Variants in CLIC4 observed in about 807,000 individuals in gnomAD.
The protein encoded by CLIC4 is CLIC family member 4, also known as chloride intracellular channel protein 4.
Under a neutral mutation model 24.6 loss-of-function variants are expected in CLIC4, and 13 were observed. The observed-to-expected ratio is 0.53, with a 90% CI of 0.34 to 0.84. The LOEUF (loss-of-function observed/expected upper bound fraction) is 0.84, where lower values mean the gene tolerates loss of function less well. Ranked by LOEUF, CLIC4 falls within the 40% of genes least tolerant of loss-of-function variation. The pLI is 0.01. For missense variants in CLIC4, 227 were observed against 301.7 expected (o/e 0.75, Z 1.83); for synonymous variants, 104 against 111.3 (o/e 0.93, Z 0.41).
intron 1 of CLIC4, among the ~76,000 whole-genome samples, chr1:24,769,226 C>G (rs752101050): frequency 6.6e-6 from 1 of 152,176 alleles, no homozygotes; most frequent in East Asian, 1.9e-4. Flanking sequence ...TCTGAAGCTA[C>G]TTAATTTATC....
intron 3 of CLIC4, among the ~76,000 whole-genome samples, chr1:24,817,302 A>G (rs555862217): frequency 1.3e-5 from 2 of 152,354 alleles, no homozygotes; most frequent in East Asian, 1.9e-4. Flanking sequence ...GATCTTCTAG[A>G]TAGATCAGCT....
In CLIC4 at chr1:24,746,912, C is replaced by T. The variant is rs1466676325; in HGVS notation, c.72+1287C>T. 3.3e-5 allele frequency among the ~76,000 whole-genome samples: 5 copies of T among 152,084 alleles called. No homozygotes were observed. The East Asian group carries it at 9.6e-4, about 29-fold the overall frequency. ...GCTGCGGTGGGAGAACTGCTTGAGCCCGGGAGGTCGAGGCTGCAGTGAGCC... is the reference window on the plus strand; with the variant it reads ...GCTGCGGTGGGAGAACTGCTTGAGCTCGGGAGGTCGAGGCTGCAGTGAGCC... On this transcript the variant is annotated intron_variant, in intron 1 of 5. Transcript: ENST00000374379.
intron 1 of CLIC4, among the ~76,000 whole-genome samples, chr1:24,775,224 C>CTTTTTTTTTTTT: frequency 0.016 from 1,431 of 90,468 alleles, no homozygotes; most frequent in Middle Eastern, 0.027. Flanking sequence ...TTCTTTCTTT[C>CTTTTTTTTTTTT]TTTTTTTTTT....
At chr1:24,817,212 A>AT in intron 3 of CLIC4, among the ~76,000 whole-genome samples, 1 of 152,266 alleles carries the variant, frequency 6.6e-6, no homozygotes, top group Non-Finnish European at 1.5e-5. Context: ...GGTAGATCAG[A>AT]TTTTCTAGAT....
chr1:24,835,143 A>T (rs1026078969), intron 4 of CLIC4, among the ~76,000 whole-genome samples: 1 of 152,232 alleles, frequency 6.6e-6, no homozygotes, highest in Non-Finnish European at 1.5e-5. Flanking sequence ...CTAAGAAATA[A>T]GCTAACTTGA....
rs185936039 is a variant in CLIC4, at chr1:24,752,337, C to T, written c.72+6712C>T. ...GTTCAAATATGATGGAAGTTTATTT[C>T]TCACCCCTCAGTCCAGGAGAATGTC... On this transcript the variant is annotated intron_variant, in intron 1 of 5. Transcript: ENST00000374379. Among the ~76,000 whole-genome samples, 4 of 152,238 alleles carry T rather than the reference C, an allele frequency of 2.6e-5. No homozygotes were observed. The East Asian group carries it at 7.7e-4, about 29-fold the overall frequency.
At chr1:24,780,110 T>G (rs1639185408) in intron 1 of CLIC4, among the ~76,000 whole-genome samples, 1 of 152,206 alleles carries the variant, frequency 6.6e-6, no homozygotes, top group Admixed American at 6.5e-5. Context: ...TATTGAGCAC[T>G]TAACCACATG....
chr1:24,766,474 T>G (rs12734115), intron 1 of CLIC4, among the ~76,000 whole-genome samples: 21 of 3,442 alleles, frequency 6.1e-3, no homozygotes, highest in Non-Finnish European at 0.021. Flanking sequence ...GCCCAGACGG[T>G]TTTTTTTTTT....
intron 3 of CLIC4, among the ~76,000 whole-genome samples, chr1:24,821,870 G>A (rs971937365): frequency 6.6e-6 from 1 of 152,166 alleles, no homozygotes; most frequent in Non-Finnish European, 1.5e-5. Flanking sequence ...ACAGGCGTGA[G>A]CCACCGTGCC....
intron 2 of CLIC4, among the ~76,000 whole-genome samples, chr1:24,813,841 C>T (rs1039516693): frequency 6.6e-6 from 1 of 152,102 alleles, no homozygotes; most frequent in African/African-American, 2.4e-5. Context: ...ACCTCAGCCT[C>T]CCTGGTAGCT....
chr1:24,762,564 G>A (rs1638941002), intron 1 of CLIC4, among the ~76,000 whole-genome samples: 1 of 152,156 alleles, frequency 6.6e-6, no homozygotes, highest in South Asian at 2.1e-4. Flanking sequence ...AGGAACTGTG[G>A]GGGAACAGTA....
At chr1:24,760,298 G>A (rs554446516) in intron 1 of CLIC4, among the ~76,000 whole-genome samples, 2 of 152,020 alleles carry the variant, frequency 1.3e-5, no homozygotes, top group African/African-American at 2.4e-5. Context: ...CCTGGGAGGC[G>A]GAGGTTGCAG....
chr1:24,842,668 A>C lies in CLIC4; in HGVS notation c.*1731A>C, dbSNP rs1639955361. ...TGCCTTACCTTTCTTAGAACTCTTT[A>C]TTGCTTATCAAAAGTTTGAGTACCC... is the stretch of plus-strand genomic sequence containing the variant. On this transcript the variant is annotated 3_prime_UTR_variant, in exon 6 of 6. Transcript: ENST00000374379. 6.6e-6 allele frequency: 1 copy of C among 152,106 alleles called. No individual in the cohort carries two copies. The highest frequency in any genetic ancestry group is 6.5e-5 in the Admixed American group (1 of 15,274). The allele number at this position is 152,106 out of a possible 1,614,324, so 9.4% of individuals were successfully genotyped here.
intron 1 of CLIC4, among the ~76,000 whole-genome samples, chr1:24,769,147 CAAAA>C (rs961007028): frequency 6.6e-6 from 1 of 150,776 alleles, no homozygotes; most frequent in African/African-American, 2.4e-5. Flanking sequence ...AGAAAACAAA[CAAAA>C]AAACATAATG....
Position 24,814,040 on chromosome 1 carries a change from T to C in CLIC4, c.183-54T>C, listed in dbSNP as rs375901730. The C allele has an allele frequency of 8.6e-5, 138 of 1,608,758 alleles. 1 individual carries two copies. The East Asian group carries it at 1.2e-3, about 14-fold the overall frequency. On this transcript the variant is annotated intron_variant, in intron 2 of 5. Transcript: ENST00000374379. ...CCAACTTTGAGAATTTAAAGTATTA[T>C]TGTTGTTTAAGAGTAAAAAATGATC...
At chr1:24,811,891 T>C (rs1285351277) in intron 2 of CLIC4, among the ~76,000 whole-genome samples, 1 of 152,200 alleles carries the variant, frequency 6.6e-6, no homozygotes, top group East Asian at 1.9e-4. Context: ...CTAAAATTCA[T>C]TGGTGGGTTT....
At chr1:24,816,256 T>TG (rs1553193776) in intron 3 of CLIC4, among the ~76,000 whole-genome samples, 18 of 149,026 alleles carry the variant, frequency 1.2e-4, no homozygotes, top group African/African-American at 4.0e-4. Flanking sequence ...TTTTTTTTTT[T>TG]GGACGGAGTT....
At chr1:24,798,781 G>C (rs910168003) in intron 2 of CLIC4, among the ~76,000 whole-genome samples, 17 of 150,908 alleles carry the variant, frequency 1.1e-4, no homozygotes, top group African/African-American at 1.7e-4. Context: ...TCAGCCTGCC[G>C]AGTGCCTGCG....
chr1:24,748,509 T>TTTG (rs1553188258), intron 1 of CLIC4, among the ~76,000 whole-genome samples: 1 of 143,380 alleles, frequency 7.0e-6, no homozygotes, highest in Non-Finnish European at 1.5e-5. Context: ...GTTTTTTTTT[T>TTTG]TTTTTTTTTT....
Sources: allele counts gnomAD v4.1 joint callset (sites outside exome capture counted in the v4.1 genomes callset), GRCh38; gene constraint gnomAD v4.1.1; transcripts MANE v1.5; gene names NCBI Gene and HGNC (gene_info 2026-07-23, HGNC 2026-07-21).